The following GRID2 variants were observed in gnomAD, a reference collection of about 807,000 sequenced individuals.
The protein encoded by GRID2 is glutamate ionotropic receptor delta type subunit 2, also known as glutamate receptor ionotropic, delta-2.
In GRID2, 33 loss-of-function variants were observed where a neutral mutation model predicts 114.8. That is an observed-to-expected ratio of 0.29 (90% CI 0.22 to 0.38). The LOEUF (loss-of-function observed/expected upper bound fraction) is 0.38, where lower values mean the gene tolerates loss of function less well. Among genes scored for constraint, GRID2 ranks in the 10% least tolerant of loss-of-function variants. The pLI, the probability that GRID2 is intolerant of heterozygous loss-of-function variation, is 1.00. For missense variants in GRID2, 1,184 were observed against 1,257.7 expected, an observed-to-expected ratio of 0.94 and a Z score of 0.89; for synonymous variants, 505 against 449.9, an observed-to-expected ratio of 1.12 and a Z score of -1.55.
At chr4:92,919,980 G>T (rs1476715488) in intron 2 of GRID2, among the ~76,000 whole-genome samples, 3 of 152,176 alleles carry the variant, frequency 2.0e-5, no homozygotes, top group Non-Finnish European at 4.4e-5. Flanking sequence ...TTGTGTGGGA[G>T]TGTAAGTCTC....
chr4:93,486,367 T>G (rs1179118115), intron 11 of GRID2, among the ~76,000 whole-genome samples: 2 of 151,552 alleles, frequency 1.3e-5, no homozygotes, highest in South Asian at 2.1e-4. Context: ...GACTACAGAG[T>G]CTAGCACAAC....
intron 2 of GRID2, among the ~76,000 whole-genome samples, chr4:92,931,277 A>G (rs1750212452): frequency 6.6e-6 from 1 of 151,016 alleles, no homozygotes; most frequent in African/African-American, 2.4e-5. Context: ...AAAAAGCCTG[A>G]CATGACACTC....
chr4:92,599,917 C>T (rs1215094776), intron 2 of GRID2, among the ~76,000 whole-genome samples: 6 of 150,802 alleles, frequency 4.0e-5, no homozygotes, highest in Admixed American at 4.0e-4. Flanking sequence ...TTCAGCTACT[C>T]GGGAGGCTCA....
At chr4:92,652,905 T>C (rs1006728665) in intron 2 of GRID2, among the ~76,000 whole-genome samples, 10 of 137,500 alleles carry the variant, frequency 7.3e-5, no homozygotes, top group African/African-American at 2.1e-4. Context: ...TACATATAAA[T>C]ATATATTTAT....
At chr4:93,385,132 A>G (rs2149314351) in intron 8 of GRID2, among the ~76,000 whole-genome samples, 1 of 152,342 alleles carries the variant, frequency 6.6e-6, no homozygotes, top group Admixed American at 6.5e-5. Context: ...AACTCCATGC[A>G]CATTTTCAGC....
chr4:92,508,039 T>C (rs1448701729), intron 1 of GRID2, among the ~76,000 whole-genome samples: 1 of 152,028 alleles, frequency 6.6e-6, no homozygotes, highest in Non-Finnish European at 1.5e-5. Context: ...TTATTTATTT[T>C]AGTAGCACTT....
chr4:92,910,390 G>A (rs1229413504), intron 2 of GRID2, among the ~76,000 whole-genome samples: 1 of 152,088 alleles, frequency 6.6e-6, no homozygotes, highest in African/African-American at 2.4e-5. Context: ...TACGATGTCT[G>A]TGGAGATTTA....
chr4:93,529,913 C>T (rs902794671), intron 13 of GRID2, among the ~76,000 whole-genome samples: 1 of 152,100 alleles, frequency 6.6e-6, no homozygotes, highest in African/African-American at 2.4e-5. Flanking sequence ...GTCTAACACT[C>T]AACTAATTAC....
At chr4:92,708,600 CAG>C (rs977242068) in intron 2 of GRID2, among the ~76,000 whole-genome samples, 3 of 152,156 alleles carry the variant, frequency 2.0e-5, no homozygotes, top group Admixed American at 1.3e-4. Context: ...GGAAATGTGA[CAG>C]ATTATCACCA....
chr4:93,390,612 G>T (rs534066845), intron 8 of GRID2, among the ~76,000 whole-genome samples: 3 of 152,120 alleles, frequency 2.0e-5, no homozygotes, highest in African/African-American at 7.2e-5. Context: ...ATCTGAACTG[G>T]TATGCTATAT....
chr4:93,284,808 A>G (rs1356847824), intron 8 of GRID2, among the ~76,000 whole-genome samples: 3 of 32,786 alleles, frequency 9.2e-5, no homozygotes, highest in Non-Finnish European at 3.0e-4. Context: ...ATATTTTATT[A>G]TATTTCGGTA....
chr4:92,610,712 C>G (rs1267892692), intron 2 of GRID2, among the ~76,000 whole-genome samples: 1 of 151,596 alleles, frequency 6.6e-6, no homozygotes, highest in Admixed American at 6.6e-5. Context: ...CAAGCTCTCT[C>G]AAGTCCAATC....
chr4:92,950,209 C>G (rs905354314), intron 2 of GRID2, among the ~76,000 whole-genome samples: 1 of 152,084 alleles, frequency 6.6e-6, no homozygotes, highest in African/African-American at 2.4e-5. Context: ...ATTTTGTCCT[C>G]CAGCATTCAA....
intron 1 of GRID2, among the ~76,000 whole-genome samples, chr4:92,495,717 T>TA (rs1251990383): frequency 2.0e-5 from 3 of 151,904 alleles, no homozygotes; most frequent in Non-Finnish European, 4.4e-5. Context: ...AATAAAACAT[T>TA]ACAAAATATA....
At chr4:92,505,348 A>G (rs779162252) in intron 1 of GRID2, among the ~76,000 whole-genome samples, 2 of 152,090 alleles carry the variant, frequency 1.3e-5, no homozygotes, top group African/African-American at 2.4e-5. Context: ...GCAAAATCCT[A>G]TGAAGAAGTC....
At chr4:93,399,649 T>C (rs909041592) in intron 9 of GRID2, among the ~76,000 whole-genome samples, 1 of 152,078 alleles carries the variant, frequency 6.6e-6, no homozygotes, top group Admixed American at 6.6e-5. Context: ...CCATCACTCA[T>C]AGTAGTAGTG....
chr4:93,389,224 T>G (rs1298560408), intron 8 of GRID2, among the ~76,000 whole-genome samples: 4 of 152,114 alleles, frequency 2.6e-5, no homozygotes, highest in African/African-American at 9.7e-5. Context: ...ATGAACATCT[T>G]AAAATGTCTC....
intron 4 of GRID2, among the ~76,000 whole-genome samples, chr4:93,166,518 C>G (rs909565524): frequency 9.2e-5 from 14 of 152,212 alleles, no homozygotes; most frequent in Non-Finnish European, 1.9e-4. Flanking sequence ...AATAATGAAA[C>G]TTAGTAAACA....
At chr4:93,712,815 G>A (rs527704433) in intron 14 of GRID2, among the ~76,000 whole-genome samples, 3 of 152,040 alleles carry the variant, frequency 2.0e-5, no homozygotes, top group African/African-American at 4.8e-5. Flanking sequence ...CTGAGTAAAC[G>A]CTACTGCTTG....
Sources: gnomAD v4.1 joint callset for allele counts (sites outside exome capture counted in the v4.1 genomes callset) on GRCh38, gnomAD v4.1.1 for gene constraint, MANE v1.5 for transcripts, NCBI Gene and HGNC (gene_info 2026-07-23, HGNC 2026-07-21) for gene names.